The following CBFA2T2 variants were observed in gnomAD, a reference collection of about 807,000 sequenced individuals.
CBFA2T2 encodes CBFA2/RUNX1 partner transcriptional co-repressor 2, also known as protein CBFA2T2.
Under a neutral mutation model 62.2 loss-of-function variants are expected in CBFA2T2, and 11 were observed. The ratio of observed to expected loss-of-function variants is 0.18; its 90% CI spans 0.11 to 0.29. The LOEUF (loss-of-function observed/expected upper bound fraction) is 0.29, where lower values mean the gene tolerates loss of function less well. CBFA2T2 is among the 10% of genes least tolerant of loss of function. CBFA2T2 has a pLI of 1.00. For missense variants in CBFA2T2, 592 were observed against 774.1 expected (o/e 0.76, Z 2.79); for synonymous variants, 295 against 287.5 (o/e 1.03, Z -0.27).
chr20:33,494,271 ATATTTTTTTTTT>A (rs2011175652), intron 1 of CBFA2T2, among the ~76,000 whole-genome samples: 19 of 21,060 alleles, frequency 9.0e-4, no homozygotes, highest in Non-Finnish European at 1.6e-3. Flanking sequence ...ATATATATAT[ATATTTTTTTTTT>A]TTTTTTTTTT....
chr20:33,557,663 C>A (rs751525671), intron 1 of CBFA2T2, among the ~76,000 whole-genome samples: 1 of 151,968 alleles, frequency 6.6e-6, no homozygotes, highest in East Asian at 1.9e-4. Flanking sequence ...TGCCCCAACA[C>A]GCCTGGCTAA....
chr20:33,592,320 G>A (rs1007140288), intron 1 of CBFA2T2, among the ~76,000 whole-genome samples: 4 of 150,214 alleles, frequency 2.7e-5, no homozygotes, highest in Non-Finnish European at 4.4e-5. Flanking sequence ...CCAAGATCAT[G>A]TCACTGCACT....
intron 9 of CBFA2T2, chr20:33,639,075 G>A (rs1438032100): frequency 2.0e-5 from 3 of 152,210 alleles, no homozygotes; most frequent in Non-Finnish European, 4.4e-5. Flanking sequence ...TCATTGCCTA[G>A]CTTTAGCATT....
chr20:33,494,267 ATATATATTTTTT>A (rs2057180023), intron 1 of CBFA2T2, among the ~76,000 whole-genome samples: 2 of 44,224 alleles, frequency 4.5e-5, no homozygotes, highest in Non-Finnish European at 8.3e-5. Flanking sequence ...ATATATATAT[ATATATATTTTTT>A]TTTTTTTTTT....
intron 3 of CBFA2T2, 122 bp downstream of exon 3, chr20:33,611,457 C>A: frequency 9.3e-7 from 1 of 1,079,480 alleles, no homozygotes; most frequent in Non-Finnish European, 1.3e-6. Flanking sequence ...ATGCTACAGA[C>A]TAGACTAGTT....
chr20:33,579,234 A>G (rs1465149413), intron 1 of CBFA2T2, among the ~76,000 whole-genome samples: 2 of 150,722 alleles, frequency 1.3e-5, no homozygotes, highest in Non-Finnish European at 2.9e-5. Flanking sequence ...ATTTTTATTC[A>G]ATTTTTTTTA....
intron 1 of CBFA2T2, among the ~76,000 whole-genome samples, chr20:33,561,358 A>G (rs1293531803): frequency 6.6e-6 from 1 of 152,126 alleles, no homozygotes; most frequent in Non-Finnish European, 1.5e-5. Flanking sequence ...TACAGGTGTG[A>G]GTCACTGCAC....
At chr20:33,631,598 A>G (rs2016453604) in intron 8 of CBFA2T2, among the ~76,000 whole-genome samples, 1 of 149,664 alleles carries the variant, frequency 6.7e-6, no homozygotes, top group South Asian at 2.1e-4. Context: ...TCATTTAAAC[A>G]TGGCTATGCA....
chr20:33,549,431 A>C (rs889084913), intron 1 of CBFA2T2, among the ~76,000 whole-genome samples: 1 of 152,214 alleles, frequency 6.6e-6, no homozygotes, highest in Non-Finnish European at 1.5e-5. Context: ...AGCAGTAAAA[A>C]GGAGTGAATC....
rs1474316978 is a variant in CBFA2T2 at position 33,649,129 on chromosome 20, C to T, written c.*4483C>T. 1 of 152,152 alleles carries T rather than the reference C, an allele frequency of 6.6e-6. No homozygotes were observed. The highest frequency in any genetic ancestry group is 6.5e-5 in the Admixed American group (1 of 15,268). The allele number at this position is 152,152 out of a possible 1,614,324, so 9.4% of individuals were successfully genotyped here. On this transcript the variant is annotated 3_prime_UTR_variant, in exon 11 of 11. Coordinates refer to ENST00000342704, the MANE Select transcript of CBFA2T2 (RefSeq NM_001032999.3). ...CTGAACTAGAAACAAGGTTTCCAGG[C>T]TCCCAGGTCAGTAGACCAAACCAAC...
chr20:33,519,999 T>G (rs934179398), intron 1 of CBFA2T2, among the ~76,000 whole-genome samples: 1 of 151,884 alleles, frequency 6.6e-6, no homozygotes, highest in African/African-American at 2.4e-5. Context: ...AATAAAAAAT[T>G]AGCCAGGCAT....
At chr20:33,525,779 G>C (rs1049478444) in intron 1 of CBFA2T2, among the ~76,000 whole-genome samples, 3 of 152,046 alleles carry the variant, frequency 2.0e-5, no homozygotes, top group African/African-American at 7.2e-5. Flanking sequence ...AGCCTCCCAA[G>C]TAGCTGGAAC....
intron 1 of CBFA2T2, among the ~76,000 whole-genome samples, chr20:33,561,341 T>G (rs1360850638): frequency 6.6e-6 from 1 of 152,070 alleles, no homozygotes; most frequent in African/African-American, 2.4e-5. Context: ...TCCCAAAGTG[T>G]TGGGATTACA....
chr20:33,608,993 T>C (rs1049885376), intron 2 of CBFA2T2, among the ~76,000 whole-genome samples: 1 of 152,188 alleles, frequency 6.6e-6, no homozygotes, highest in Non-Finnish European at 1.5e-5. Context: ...TTTTCTTTAG[T>C]GGAAGACACA....
intron 1 of CBFA2T2, among the ~76,000 whole-genome samples, chr20:33,559,193 T>TTTTTTTTTTTTTTTC (rs1555835221): frequency 2.2e-4 from 32 of 143,994 alleles, no homozygotes; most frequent in African/African-American, 8.8e-4. Flanking sequence ...TTTTTTTTTT[T>TTTTTTTTTTTTTTTC]CTGAGATGGA....
chr20:33,632,513 G>C lies in CBFA2T2; in HGVS notation c.1228+2599G>C, dbSNP rs960361518. Among the ~76,000 whole-genome samples the C allele has an allele frequency of 5.4e-4, 80 of 148,816 alleles. 1 individual carries two copies. The highest frequency in any genetic ancestry group is 2.0e-3 in the African/African-American group (80 of 40,428). On this transcript the variant is annotated intron_variant, in intron 8 of 10. Transcript: ENST00000342704. ...TAACAGAGTCTAGCTCTGTTGCCCAGGCTGGAGTGCAGTGGCATGATCTCG... is the reference window on the plus strand; with the variant it reads ...TAACAGAGTCTAGCTCTGTTGCCCACGCTGGAGTGCAGTGGCATGATCTCG...
chr20:33,562,493 T>C (rs1420300632), intron 1 of CBFA2T2: 2 of 985,752 alleles, frequency 2.0e-6, no homozygotes, highest in East Asian at 2.3e-4. Context: ...GCAGCTCTAG[T>C]CAGTGAGAAA....
intron 1 of CBFA2T2, among the ~76,000 whole-genome samples, chr20:33,576,955 G>A (rs2013858002): frequency 6.6e-6 from 1 of 152,164 alleles, no homozygotes; most frequent in Non-Finnish European, 1.5e-5. Flanking sequence ...GCCATATTTA[G>A]TCCATCTTCC....
At chr20:33,560,633 C>T (rs938408022) in intron 1 of CBFA2T2, among the ~76,000 whole-genome samples, 1 of 152,150 alleles carries the variant, frequency 6.6e-6, no homozygotes, top group African/African-American at 2.4e-5. Context: ...AGCCTTCCTT[C>T]CTATTTGTCA....
Sources: gnomAD v4.1 joint callset for allele counts (sites outside exome capture counted in the v4.1 genomes callset) on GRCh38, gnomAD v4.1.1 for gene constraint, MANE v1.5 for transcripts, NCBI Gene and HGNC (gene_info 2026-07-23, HGNC 2026-07-21) for gene names.